PARVG: variants seen among roughly 807,000 people sequenced by gnomAD.
PARVG encodes the protein gamma-parvin.
A neutral mutation model predicts 44.4 loss-of-function variants in PARVG; 36 were observed. The observed-to-expected ratio is 0.81, with a 90% CI of 0.62 to 1.07. The LOEUF is 1.07. Among genes scored for constraint, PARVG ranks in the 50% least tolerant of loss-of-function variants. PARVG has a pLI of 0.00. For synonymous variants in PARVG, 170 were observed against 174.1 expected (o/e 0.98, Z 0.19); for missense variants, 407 against 407.4 (o/e 1.00, Z 0.01).
Position 44,206,670 on chromosome 22 carries a change from C to T in PARVG, c.*244C>T, listed in dbSNP as rs1025139099. The T allele has an allele frequency of 3.2e-5, 16 of 503,478 alleles. No homozygotes were observed. The highest frequency in any genetic ancestry group is 2.9e-4 in the African/African-American group (15 of 51,568). The allele number at this position is 503,478 out of a possible 1,614,324, so 31.2% of individuals were successfully genotyped here. ...TCTGGGAGGGATTCTGGGAACTTGA[C>T]AGGGTCCTGAGGAGGGCCCTTAAAC... is the stretch of plus-strand genomic sequence containing the variant. On this transcript the variant is annotated 3_prime_UTR_variant, in exon 14 of 14. Coordinates refer to ENST00000444313, the MANE Select transcript of PARVG (RefSeq NM_022141.7).
intron 3 of PARVG, chr22:44,184,779 G>A (rs964920144): frequency 3.9e-5 from 6 of 152,236 alleles, no homozygotes; most frequent in Non-Finnish European, 8.8e-5. Flanking sequence ...CTGGTATTCT[G>A]TGTTTAAAAC....
At chr22:44,192,454 A>C (rs1030483572) in intron 8 of PARVG, among the ~76,000 whole-genome samples, 1 of 152,196 alleles carries the variant, frequency 6.6e-6, no homozygotes, top group African/African-American at 2.4e-5. Context: ...AGGCCCCTGC[A>C]TGGCCAGGGG....
intron 1 of PARVG, among the ~76,000 whole-genome samples, chr22:44,175,696 GGT>G (rs1203990103): frequency 1.1e-4 from 17 of 152,276 alleles, no homozygotes; most frequent in Admixed American, 9.2e-4. Flanking sequence ...GGGGGGTGGG[GGT>G]GTGCTAGGGC....
Position 44,174,211 on chromosome 22 carries a change from G to A in PARVG, c.-189+1020G>A, listed in dbSNP as rs2054297098. ...AGAAAGGAGGGGTGCGGGTGGGGCA[G>A]GGGAGTGAGAGGGAACTCCCAGAAA... On this transcript the variant is annotated intron_variant, in intron 1 of 13. Transcript: ENST00000422871. Among the ~76,000 whole-genome samples the A allele has an allele frequency of 3.3e-5, 5 of 152,130 alleles. No homozygotes were observed. The South Asian group carries it at 1.0e-3, about 32-fold the overall frequency.
intron 2 of PARVG, 69 bp downstream of exon 2, chr22:44,181,986 C>T (rs1466310740): frequency 5.9e-5 from 58 of 981,088 alleles, no homozygotes; most frequent in Non-Finnish European, 4.8e-6. Flanking sequence ...CCAGACACCA[C>T]CTGGGAAGGA....
chr22:44,183,636 G>A, intron 3 of PARVG: 1 of 495,454 alleles, frequency 2.0e-6, no homozygotes, highest in East Asian at 3.5e-5. Flanking sequence ...GGATTACGAT[G>A]GTGAATACTG....
At chr22:44,196,549 C>T in intron 11 of PARVG, 134 bp downstream of exon 11, 1 of 1,056,476 alleles carries the variant, frequency 9.5e-7, no homozygotes, top group Non-Finnish European at 1.4e-6. Flanking sequence ...GGGTCCCCCT[C>T]CCCGGTGGGA....
intron 12 of PARVG, among the ~76,000 whole-genome samples, chr22:44,204,347 G>A (rs776723546): frequency 9.2e-5 from 14 of 152,172 alleles, no homozygotes; most frequent in African/African-American, 2.7e-4. Flanking sequence ...TTCTGTGTCC[G>A]TCATCACATT....
intron 12 of PARVG, among the ~76,000 whole-genome samples, chr22:44,200,677 G>C: frequency 6.6e-6 from 1 of 152,172 alleles, no homozygotes; most frequent in Non-Finnish European, 1.5e-5. Context: ...GGTGAAGCAG[G>C]AGGCAGGGCC....
At chr22:44,177,555 A>C (rs942603094), upstream of PARVG, among the ~76,000 whole-genome samples, 2 of 151,732 alleles carry the variant, frequency 1.3e-5, no homozygotes, top group Admixed American at 6.6e-5. Flanking sequence ...GATTCTTTGG[A>C]GAATCCAAGC....
intron 8 of PARVG, 125 bp downstream of exon 8, chr22:44,192,229 C>A: frequency 8.9e-7 from 1 of 1,119,568 alleles, no homozygotes; most frequent in Non-Finnish European, 1.3e-6. Context: ...GTGGCTTTCT[C>A]TCAGACCCGA....
At chr22:44,183,455 G>C in intron 3 of PARVG, 47 bp downstream of exon 3, 1 of 1,507,850 alleles carries the variant, frequency 6.6e-7, no homozygotes, top group Non-Finnish European at 8.9e-7. Flanking sequence ...GGTCTGTGTG[G>C]CAAGAGTGAG....
At chr22:44,197,018 G>A (rs751633191) in intron 11 of PARVG, among the ~76,000 whole-genome samples, 4 of 151,642 alleles carry the variant, frequency 2.6e-5, no homozygotes, top group African/African-American at 4.8e-5. Flanking sequence ...GTAGCAGACC[G>A]GCTGCCAGCC....
At chr22:44,190,394 A>C (rs1037920403) in intron 6 of PARVG, among the ~76,000 whole-genome samples, 157 bp from the exon 7 acceptor site, 6 of 152,156 alleles carry the variant, frequency 3.9e-5, no homozygotes, top group Non-Finnish European at 7.4e-5. Context: ...GATGATTTTT[A>C]GGTTCTGAAC....
Position 44,192,130 on chromosome 22 carries a change from G to C in PARVG, c.560+26G>C, listed in dbSNP as rs376685117. On this transcript the variant is annotated intron_variant, in intron 8 of 13. Transcript: ENST00000444313. ...GTGAGGGAAGGATGAGGGCCCATGG[G>C]TGGGGCTGGGGCTCACAGCGGTGGA... 2 of 1,611,332 alleles carry C rather than the reference G, an allele frequency of 1.2e-6. 1 individual carries two copies. The highest frequency in any genetic ancestry group is 2.2e-5 in the South Asian group (2 of 91,008).
chr22:44,178,823 C>T (rs537613179), upstream of PARVG, among the ~76,000 whole-genome samples: 4 of 152,068 alleles, frequency 2.6e-5, no homozygotes, highest in Non-Finnish European at 4.4e-5. Context: ...TTTTTTGAAG[C>T]CTTGGTGAAG....
At position 44,205,980 on chromosome 22, in the gene PARVG, G is replaced by T. The variant is rs577708785; in HGVS notation, c.886+151G>T. 3.8e-5 allele frequency: 38 copies of T among 989,736 alleles called. No homozygotes were observed. The African/African-American group carries it at 5.6e-4, about 15-fold the overall frequency. 61.3% of individuals were successfully genotyped at this position (989,736 alleles called of 1,614,324 possible). On this transcript the variant is annotated intron_variant, in intron 13 of 13. Coordinates refer to ENST00000444313, the MANE Select transcript of PARVG (RefSeq NM_022141.7). ...GGGTGGAGAATGGGCGCTTGCCAAG[G>T]TTTCTTGGGAGGGGGCACTGCAGCC... is the stretch of plus-strand genomic sequence containing the variant.
At chr22:44,177,993 A>G (rs2054335006), upstream of PARVG, among the ~76,000 whole-genome samples, 4 of 152,216 alleles carry the variant, frequency 2.6e-5, no homozygotes, top group South Asian at 8.3e-4. Flanking sequence ...CCTTTCCATC[A>G]GGAATAACTA....
exon 1 of PARVG, chr22:44,173,155 C>T (rs1452093614): frequency 1.6e-6 from 2 of 1,283,708 alleles, no homozygotes; most frequent in Admixed American, 2.3e-5. Context: ...TCTGCTGGGA[C>T]CACAAGGAGA....
Sources: gnomAD v4.1 joint callset for allele counts (sites outside exome capture counted in the v4.1 genomes callset) on GRCh38, gnomAD v4.1.1 for gene constraint, MANE v1.5 for transcripts, NCBI Gene and HGNC (gene_info 2026-07-23, HGNC 2026-07-21) for gene names.